The following LGMN variants were observed in gnomAD, a reference collection of about 807,000 sequenced individuals.
The protein encoded by LGMN is asparaginyl endopeptidase.
Under a neutral mutation model 56.8 loss-of-function variants are expected in LGMN, and 36 were observed. The ratio of observed to expected loss-of-function variants is 0.63; its 90% CI spans 0.49 to 0.84. The LOEUF is 0.84. Ranked by LOEUF, LGMN falls within the 40% of genes least tolerant of loss-of-function variation. The probability of loss-of-function intolerance (pLI) is 0.00; values close to 1 mark genes in which losing one functional copy is unlikely to be tolerated. For missense variants in LGMN, 446 were observed against 556.1 expected (o/e 0.80, Z 1.99); for synonymous variants, 199 against 210.1 (o/e 0.95, Z 0.46).
chr14:92,706,768 G>C (rs922176804), intron 11 of LGMN, 115 bp from the exon 12 acceptor site: 2 of 917,120 alleles, frequency 2.2e-6, no homozygotes, highest in Non-Finnish European at 3.0e-6. Flanking sequence ...TCAGCCTCCC[G>C]CAGGTTAGAG....
intron 4 of LGMN, 43 bp downstream of exon 4, chr14:92,717,337 A>C (rs1198820546): frequency 4.1e-6 from 5 of 1,224,370 alleles, no homozygotes; most frequent in Non-Finnish European, 5.8e-6. Context: ...CATCACTAAA[A>C]TGAAAACTAA....
chr14:92,715,828 T>G (rs1890046699), intron 5 of LGMN: 1 of 199,136 alleles, frequency 5.0e-6, no homozygotes, highest in African/African-American at 2.4e-5. Context: ...CCTCAGGGGC[T>G]CCGCTGGCAG....
At chr14:92,715,551 G>C (rs1309061827) in intron 5 of LGMN, among the ~76,000 whole-genome samples, 1 of 152,106 alleles carries the variant, frequency 6.6e-6, no homozygotes, top group African/African-American at 2.4e-5. Flanking sequence ...TTGTGCCCAG[G>C]CCTCCCTTCC....
At chr14:92,747,151 C>T (rs1447706302) in intron 1 of LGMN, among the ~76,000 whole-genome samples, 1 of 152,122 alleles carries the variant, frequency 6.6e-6, no homozygotes, top group African/African-American at 2.4e-5. Flanking sequence ...TGCTGTTTTC[C>T]AGATGAAACA....
At position 92,709,782 on chromosome 14, in the gene LGMN, G is replaced by T. The variant is rs1160641225; in HGVS notation, c.910C>A (p.Leu304Ile). 6.2e-7 allele frequency: 1 copy of T among 1,613,972 alleles called. No homozygotes were observed. The highest frequency in any genetic ancestry group is 1.3e-5 in the African/African-American group (1 of 74,918). ...VPLPPVTHLD[L>I]TPSPDVPLTI... Reference sequence around the variant, plus strand: ...AGAGGCACATCAGGGCTGGGGGTGAGGTCAAGGTGTGTGACTGGAGGTAGG... The same window carrying T: ...AGAGGCACATCAGGGCTGGGGGTGATGTCAAGGTGTGTGACTGGAGGTAGG... Residue 304 changes from leucine (L) to isoleucine (I), a missense_variant, in exon 11 of 14, where the codon CTC becomes ATC. Physicochemically the swap from Leu to Ile is conservative, Grantham distance 5 (BLOSUM62 2). Coordinates refer to ENST00000334869, the MANE Select transcript of LGMN (RefSeq NM_005606.7).
Position 92,746,827 on chromosome 14 carries a change from C to G in LGMN, c.-30+1662G>C, listed in dbSNP as rs145424504. Among the ~76,000 whole-genome samples the G allele has an allele frequency of 7.0e-3, 1,069 of 151,826 alleles. 12 individuals are homozygous for G. The highest frequency in any genetic ancestry group is 0.025 in the African/African-American group (1,027 of 41,396). ...CGAGGGGGGTGGATCATGAGGTCAG[C>G]AGATCGAGACCATCCTGGCTAACAC... On this transcript the variant is annotated intron_variant, in intron 1 of 13. Transcript: ENST00000334869.
chr14:92,747,376 A>G (rs988738697), intron 1 of LGMN, among the ~76,000 whole-genome samples: 1 of 152,054 alleles, frequency 6.6e-6, no homozygotes, highest in Non-Finnish European at 1.5e-5. Context: ...CTGTAATCCC[A>G]GAACTCGGGA....
At chr14:92,706,458 T>C in intron 12 of LGMN, 25 bp downstream of exon 12, 2 of 1,488,436 alleles carry the variant, frequency 1.3e-6, no homozygotes, top group Non-Finnish European at 1.8e-6. Flanking sequence ...TGGATTCTGG[T>C]CATGGGGAGA....
intron 2 of LGMN, among the ~76,000 whole-genome samples, chr14:92,725,210 A>G (rs1238900318): frequency 6.6e-6 from 1 of 152,192 alleles, no homozygotes; most frequent in African/African-American, 2.4e-5. Context: ...ATTCCCTTGC[A>G]CAGTCCCCTC....
intron 1 of LGMN, among the ~76,000 whole-genome samples, chr14:92,744,125 G>A (rs1166163175): frequency 6.6e-6 from 1 of 151,830 alleles, no homozygotes; most frequent in Non-Finnish European, 1.5e-5. Context: ...CTGCACTCCA[G>A]CCTGGTGACA....
chr14:92,739,945 G>A (rs566276489), intron 1 of LGMN, among the ~76,000 whole-genome samples: 1 of 152,270 alleles, frequency 6.6e-6, no homozygotes, highest in Admixed American at 6.5e-5. Flanking sequence ...CCCCAGCCAG[G>A]GGAGATCAGA....
intron 7 of LGMN, among the ~76,000 whole-genome samples, 174 bp downstream of exon 7, chr14:92,713,649 A>T (rs1889913071): frequency 6.6e-6 from 1 of 152,198 alleles, no homozygotes; most frequent in African/African-American, 2.4e-5. Context: ...CCATGATTCC[A>T]GTCTAATAGC....
chr14:92,714,994 A>ATTTTTT lies in LGMN; in HGVS notation c.405-549_405-544dup, dbSNP rs780256263. ...CTCACAGATGTCCATCTCCATACTAATTTTTTTTTTTTTTTTTTTTTTGAG... is the reference window on the plus strand; with the variant it reads ...CTCACAGATGTCCATCTCCATACTAATTTTTTTTTTTTTTTTTTTTTTTTTTTTGAG... On this transcript the variant is annotated intron_variant, in intron 5 of 13. Transcript: ENST00000334869. The surrounding 1 kb of genome is among the most constrained non-coding windows in gnomAD (Gnocchi z 5.1). Among the ~76,000 whole-genome samples the ATTTTTT allele has an allele frequency of 4.2e-3, 534 of 127,358 alleles. 8 individuals are homozygous for ATTTTTT. Among genetic ancestry groups the ATTTTTT allele is most frequent in the African/African-American group, 0.015 (500 of 32,450 alleles). The allele number at this position is 127,358 out of a possible 152,430, so 83.6% of individuals were successfully genotyped here.
At chr14:92,734,767 A>G (rs921189697) in intron 1 of LGMN, among the ~76,000 whole-genome samples, 1 of 152,216 alleles carries the variant, frequency 6.6e-6, no homozygotes, top group Non-Finnish European at 1.5e-5. Flanking sequence ...TGCCTCCGCG[A>G]TAAGAAGAAA....
At chr14:92,724,660 G>A (rs561419697) in intron 2 of LGMN, among the ~76,000 whole-genome samples, 6 of 152,290 alleles carry the variant, frequency 3.9e-5, no homozygotes, top group South Asian at 2.1e-4. Context: ...AGAGCCCTCC[G>A]GAATGACAAA....
In LGMN at chr14:92,743,608, C is replaced by A. The variant is rs751437943; in HGVS notation, c.-30+4881G>T. 1.1e-3 allele frequency among the ~76,000 whole-genome samples: 163 copies of A among 151,728 alleles called. 1 individual carries two copies. The highest frequency in any genetic ancestry group is 2.6e-3 in the Admixed American group (39 of 15,220). ...CTTGAAGCCAGGAGTTCAAGACCAGCCTGGCCAACATGCGAAACCCCATCT... is the reference window on the plus strand; with the variant it reads ...CTTGAAGCCAGGAGTTCAAGACCAGACTGGCCAACATGCGAAACCCCATCT... On this transcript the variant is annotated intron_variant, in intron 1 of 13. Coordinates refer to ENST00000334869, the MANE Select transcript of LGMN (RefSeq NM_005606.7).
At chr14:92,705,995 C>G (rs1438887908) in intron 12 of LGMN, among the ~76,000 whole-genome samples, 1 of 152,166 alleles carries the variant, frequency 6.6e-6, no homozygotes, top group Non-Finnish European at 1.5e-5. Context: ...GTTTGCCAAC[C>G]TTTCTCTAGA....
intron 1 of LGMN, among the ~76,000 whole-genome samples, chr14:92,740,597 C>T (rs879491799): frequency 3.3e-5 from 5 of 152,214 alleles, no homozygotes; most frequent in Non-Finnish European, 5.9e-5. Flanking sequence ...AGGCACTGCA[C>T]CCTGCACCCC....
chr14:92,747,427 T>G (rs960990000), intron 1 of LGMN, among the ~76,000 whole-genome samples: 1 of 151,778 alleles, frequency 6.6e-6, no homozygotes, highest in Admixed American at 6.6e-5. Context: ...AAGGTGGAGG[T>G]TGCAGTGAGC....
Sources: allele counts gnomAD v4.1 joint callset (sites outside exome capture counted in the v4.1 genomes callset), GRCh38; gene constraint gnomAD v4.1.1; non-coding constraint Gnocchi (gnomAD v3.1); transcripts MANE v1.5; gene names NCBI Gene and HGNC (gene_info 2026-07-23, HGNC 2026-07-21).